The following PRKAR2A variants were observed in gnomAD, a reference collection of about 807,000 sequenced individuals.
PRKAR2A encodes the protein cAMP-dependent protein kinase type II-alpha regulatory subunit.
Under a neutral mutation model 51.9 loss-of-function variants are expected in PRKAR2A, and 29 were observed. The ratio of observed to expected loss-of-function variants is 0.56; its 90% confidence interval spans 0.42 to 0.76. The LOEUF (loss-of-function observed/expected upper bound fraction) is 0.76. Ranked by LOEUF, PRKAR2A falls within the 30% of genes least tolerant of loss-of-function variation. The pLI, the probability that PRKAR2A is intolerant of heterozygous loss-of-function variation, is 0.00. For missense variants in PRKAR2A, 445 were observed against 512.1 expected, an observed-to-expected ratio of 0.87 and a Z score of 1.26; for synonymous variants, 178 against 186.2, an observed-to-expected ratio of 0.96 and a Z score of 0.36.
At position 48,847,688 on chromosome 3, in the gene PRKAR2A, A is replaced by T; in HGVS notation, c.-92T>A. On this transcript the variant is annotated 5_prime_UTR_variant, in exon 1 of 11. Coordinates refer to ENST00000265563, the MANE Select transcript of PRKAR2A (RefSeq NM_004157.4). The surrounding 1 kb of genome is among the most constrained non-coding windows in gnomAD (Gnocchi z 4.4). The stretch of plus-strand genomic sequence containing the variant: ...GCCGGCCTTTCGCTCCGCGCCCGCG[A>T]GGTCTCTTCGCGCACGGCCCCGGCT... The T allele has an allele frequency of 7.8e-7, 1 of 1,284,614 alleles. No individual in the cohort carries two copies. Among genetic ancestry groups the T allele is most frequent in the Non-Finnish European group, 1.0e-6 (1 of 990,420 alleles). The allele number at this position is 1,284,614 out of a possible 1,614,324, so 79.6% of individuals were successfully genotyped here.
intron 1 of PRKAR2A, among the ~76,000 whole-genome samples, chr3:48,810,323 T>C (rs993908642): frequency 6.6e-6 from 1 of 152,130 alleles, no homozygotes; most frequent in Admixed American, 6.6e-5. Context: ...ATTGGTTCCG[T>C]AGACCCCCAT....
chr3:48,809,688 T>G (rs545758663), intron 1 of PRKAR2A, among the ~76,000 whole-genome samples: 1 of 150,940 alleles, frequency 6.6e-6, no homozygotes, highest in Admixed American at 6.6e-5. Context: ...TCAAATGAAA[T>G]TATATCTTTA....
Position 48,756,446 on chromosome 3 carries a change from T to C in PRKAR2A, c.874-2A>G. On this transcript the variant is annotated splice_acceptor_variant, in intron 8 of 10. Transcript: ENST00000265563. LOFTEE classifies it high-confidence loss of function. ...GTAAAAGCTATCAGCCTTTTCACCC[T>C]GAAAGAAAAGAGAGGTCAGGTCAGA... 6.2e-7 allele frequency: 1 copy of C among 1,613,138 alleles called. No individual in the cohort carries two copies. The highest frequency in any genetic ancestry group is 1.1e-5 in the South Asian group (1 of 91,056).
intron 2 of PRKAR2A, among the ~76,000 whole-genome samples, chr3:48,795,315 T>C (rs961625840): frequency 1.3e-5 from 2 of 152,014 alleles, no homozygotes; most frequent in Admixed American, 6.6e-5. Flanking sequence ...ATTTAAGTCA[T>C]GTTAATTTTT....
rs561041221 is a variant in PRKAR2A, at chr3:48,768,294, AAGATAGATAGAT to A, written c.697-2957_697-2946del. 1.1e-3 allele frequency among the ~76,000 whole-genome samples: 157 copies of A among 140,198 alleles called. 1 individual carries two copies. The highest frequency in any genetic ancestry group is 8.7e-3 in the East Asian group (41 of 4,712). The allele number at this position is 140,198 out of a possible 152,430, so 92.0% of individuals were successfully genotyped here. On this transcript the variant is annotated intron_variant, in intron 6 of 10. Coordinates refer to ENST00000265563, the MANE Select transcript of PRKAR2A (RefSeq NM_004157.4). ...GGCCAACAGAGTGAGACCGTCTCAA[AAGATAGATAGAT>A]AGATAGATAGATAGATAGATAGATA...
At chr3:48,838,262 T>C (rs138711442) in intron 1 of PRKAR2A, among the ~76,000 whole-genome samples, 52 of 152,082 alleles carry the variant, frequency 3.4e-4, no homozygotes, top group African/African-American at 1.1e-3. Context: ...AAAAGTAGAT[T>C]AGAGGATGCC....
chr3:48,816,794 C>A (rs2082881589), intron 1 of PRKAR2A, among the ~76,000 whole-genome samples: 1 of 152,120 alleles, frequency 6.6e-6, no homozygotes, highest in South Asian at 2.1e-4. Flanking sequence ...CAAGTTTACC[C>A]ACCCAATGCA....
chr3:48,763,269 T>C (rs561423529), intron 8 of PRKAR2A, among the ~76,000 whole-genome samples: 5 of 152,284 alleles, frequency 3.3e-5, no homozygotes, highest in African/African-American at 1.2e-4. Context: ...TTGAGAAGCC[T>C]TGGTCCAGTG....
chr3:48,828,967 A>G (rs769980724), intron 1 of PRKAR2A, among the ~76,000 whole-genome samples: 3 of 151,644 alleles, frequency 2.0e-5, no homozygotes, highest in Non-Finnish European at 4.4e-5. Flanking sequence ...CCGAGTAGCT[A>G]GGACTACAAG....
intron 5 of PRKAR2A, among the ~76,000 whole-genome samples, chr3:48,780,386 G>A (rs767271551): frequency 1.3e-5 from 2 of 151,796 alleles, no homozygotes; most frequent in East Asian, 1.9e-4. Context: ...GGCAGATCAC[G>A]AGGTCAGGAG....
intron 2 of PRKAR2A, among the ~76,000 whole-genome samples, chr3:48,797,824 G>A (rs751800573): frequency 1.6e-4 from 25 of 152,172 alleles, no homozygotes; most frequent in Non-Finnish European, 3.5e-4. Flanking sequence ...AAGTAACAAT[G>A]GGATATAGGT....
At chr3:48,780,018 G>A (rs1366002383) in intron 5 of PRKAR2A, among the ~76,000 whole-genome samples, 1 of 151,442 alleles carries the variant, frequency 6.6e-6, no homozygotes, top group Non-Finnish European at 1.5e-5. Flanking sequence ...AAATTGCTGG[G>A]CTTGGTGGCA....
intron 6 of PRKAR2A, among the ~76,000 whole-genome samples, chr3:48,765,764 AAG>A (rs1281562670): frequency 6.6e-6 from 1 of 150,906 alleles, no homozygotes. Context: ...ACCTCACCAA[AAG>A]AGAGAATAAA....
chr3:48,809,301 A>G (rs1352983032), intron 1 of PRKAR2A, among the ~76,000 whole-genome samples: 5 of 152,060 alleles, frequency 3.3e-5, no homozygotes, highest in African/African-American at 9.7e-5. Context: ...AAAAATCTAT[A>G]CAGTTTAGGC....
chr3:48,778,821 ATTTTT>A (rs759904828), intron 5 of PRKAR2A, among the ~76,000 whole-genome samples: 1 of 86,404 alleles, frequency 1.2e-5, no homozygotes, highest in Non-Finnish European at 2.3e-5. Flanking sequence ...CTCGGCCTGC[ATTTTT>A]TTTTTTTTTT....
At chr3:48,754,399 G>A (rs1012343655) in intron 9 of PRKAR2A, among the ~76,000 whole-genome samples, 4 of 151,770 alleles carry the variant, frequency 2.6e-5, no homozygotes, top group African/African-American at 4.8e-5. Flanking sequence ...CACCACGCCC[G>A]GCTAATTTTG....
At chr3:48,780,763 T>C (rs2107281730) in intron 5 of PRKAR2A, among the ~76,000 whole-genome samples, 1 of 152,088 alleles carries the variant, frequency 6.6e-6, no homozygotes, top group East Asian at 1.9e-4. Context: ...GTACAGCTAT[T>C]TGATGGAGAT....
chr3:48,814,482 G>A (rs1447607598), intron 1 of PRKAR2A, among the ~76,000 whole-genome samples: 1 of 152,158 alleles, frequency 6.6e-6, no homozygotes, highest in African/African-American at 2.4e-5. Flanking sequence ...GTCACTGAGT[G>A]GGATATTCAA....
chr3:48,747,625 T>A lies in PRKAR2A; in HGVS notation c.*3960A>T, dbSNP rs1315962087. The A allele has an allele frequency of 3.3e-5, 5 of 152,190 alleles. No homozygotes were observed. The highest frequency in any genetic ancestry group is 7.3e-5 in the Non-Finnish European group (5 of 68,044). 9.4% of individuals were successfully genotyped at this position (152,190 alleles called of 1,614,324 possible). On this transcript the variant is annotated 3_prime_UTR_variant, in exon 11 of 11. Coordinates refer to ENST00000265563, the MANE Select transcript of PRKAR2A (RefSeq NM_004157.4). ...ACAATTATATATGAAGACTATTGAC[T>A]AACAGGACAATAGCACATGAACCTT...
Sources: gnomAD v4.1 joint callset for allele counts (sites outside exome capture counted in the v4.1 genomes callset) on GRCh38, gnomAD v4.1.1 for gene constraint, Gnocchi (gnomAD v3.1) non-coding constraint, MANE v1.5 for transcripts, NCBI Gene and HGNC (gene_info 2026-07-23, HGNC 2026-07-21) for gene names.